Variants in SLC12A2 observed in about 807,000 individuals in gnomAD.
SLC12A2 encodes the protein Na-K-2Cl cotransporter 1.
In SLC12A2, 67 loss-of-function variants were observed where a neutral mutation model predicts 136.3. The ratio of observed to expected loss-of-function variants is 0.49; its 90% CI spans 0.40 to 0.60. SLC12A2 has a LOEUF of 0.60. Among genes scored for constraint, SLC12A2 ranks in the 20% least tolerant of loss-of-function variants. The pLI, the probability that SLC12A2 is intolerant of heterozygous loss-of-function variation, is 0.00. For missense variants in SLC12A2, 1,322 were observed against 1,534.7 expected (o/e 0.86, Z 2.32); for synonymous variants, 619 against 562.9 (o/e 1.10, Z -1.41).
intron 1 of SLC12A2, among the ~76,000 whole-genome samples, chr5:128,111,826 G>GTATA (rs1406402350): frequency 3.4e-5 from 5 of 148,426 alleles, no homozygotes; most frequent in Non-Finnish European, 6.0e-5. Context: ...GTGTGTGTGT[G>GTATA]TATATATATA....
intron 5 of SLC12A2, among the ~76,000 whole-genome samples, chr5:128,132,209 T>G (rs1478456484): frequency 6.6e-6 from 1 of 152,046 alleles, no homozygotes; most frequent in Admixed American, 6.6e-5. Context: ...GAGAATGGAC[T>G]TGAGGAATCA....
rs1469648043 is a variant in SLC12A2 at position 128,090,062 on chromosome 5, A to T, written c.756+5352A>T. ...TTTGCCAGGGGCTTTGCCCTGCTAA[A>T]CCCATGCTACTTGCCATTGAAGTCA... is the stretch of plus-strand genomic sequence containing the variant. On this transcript the variant is annotated intron_variant, in intron 1 of 26. Transcript: ENST00000262461. Among the ~76,000 whole-genome samples, 6 of 152,166 alleles carry T rather than the reference A, an allele frequency of 3.9e-5. No homozygotes were observed. The East Asian group carries it at 7.7e-4, about 20-fold the overall frequency.
At chr5:128,169,266 T>G (rs2126743188) in intron 18 of SLC12A2, 1 of 152,304 alleles carries the variant, frequency 6.6e-6, no homozygotes, top group East Asian at 1.9e-4. Flanking sequence ...AGCTTTAAGA[T>G]TAAAGTTTAA....
intron 15 of SLC12A2, among the ~76,000 whole-genome samples, chr5:128,157,348 C>T (rs1445176084): frequency 3.3e-5 from 5 of 152,148 alleles, no homozygotes; most frequent in African/African-American, 1.2e-4. Flanking sequence ...GCCACTGTCT[C>T]ACATTTGCAA....
At chr5:128,110,070 G>T (rs1337204352) in intron 1 of SLC12A2, 1 of 969,758 alleles carries the variant, frequency 1.0e-6, no homozygotes, top group Non-Finnish European at 1.7e-6. Flanking sequence ...CACCTTAAAA[G>T]ATAACAAAGT....
intron 1 of SLC12A2, chr5:128,109,754 TA>T (rs1761077343): frequency 2.1e-6 from 2 of 933,170 alleles, no homozygotes; most frequent in Admixed American, 1.7e-5. Flanking sequence ...GGTTTTAGAC[TA>T]AAAGGATGGG....
intron 13 of SLC12A2, 64 bp downstream of exon 13, chr5:128,150,162 T>C (rs145201757): frequency 2.1e-5 from 22 of 1,055,212 alleles, no homozygotes; most frequent in East Asian, 9.6e-5. Context: ...AATAAAACTT[T>C]TGCCACATTT....
chr5:128,144,918 TC>T (rs1233362453), intron 10 of SLC12A2, among the ~76,000 whole-genome samples: 2 of 152,166 alleles, frequency 1.3e-5, no homozygotes, highest in Non-Finnish European at 2.9e-5. Flanking sequence ...TAGACTTTTG[TC>T]TTTTTTTCCC....
intron 4 of SLC12A2, among the ~76,000 whole-genome samples, chr5:128,125,733 C>T (rs1761765974): frequency 6.6e-6 from 1 of 151,914 alleles, no homozygotes; most frequent in South Asian, 2.1e-4. Flanking sequence ...TATCCCAAGG[C>T]CATGAAGATA....
rs190418047 is a variant in SLC12A2, at chr5:128,155,177, C to T, written c.2363+2372C>T. On this transcript the variant is annotated intron_variant, in intron 15 of 26. Coordinates refer to ENST00000262461, the MANE Select transcript of SLC12A2 (RefSeq NM_001046.3). ...ATTTATGTCCCAGGCCAGATGAAGCCGGATGTTGAGAAATTTCACCACACT... is the reference window on the plus strand; with the variant it reads ...ATTTATGTCCCAGGCCAGATGAAGCTGGATGTTGAGAAATTTCACCACACT... 1.1e-4 allele frequency among the ~76,000 whole-genome samples: 16 copies of T among 152,116 alleles called. No individual in the cohort carries two copies. In the South Asian group the frequency reaches 2.9e-3, roughly 28 times the overall value.
chr5:128,083,999 G>A lies in SLC12A2; in HGVS notation c.45G>A (p.Leu15=), dbSNP rs1017623893. ...PTAPSSGAPG[L]AGVGETPSAA... ...CGCCCTCCTCCGGCGCCCCGGGACT[G>A]GCCGGGGTCGGGGAGACGCCGTCAG... The change falls in exon 1 of 27, where the codon CTG becomes CTA. Residue 15 remains leucine, a synonymous_variant. Transcript: ENST00000262461. 30 of 1,252,078 alleles carry A rather than the reference G, an allele frequency of 2.4e-5. No homozygotes were observed. The highest frequency in any genetic ancestry group is 3.1e-5 in the South Asian group (1 of 32,256). 77.6% of individuals were successfully genotyped at this position (1,252,078 alleles called of 1,614,324 possible).
chr5:128,104,701 G>A (rs1760871864), intron 1 of SLC12A2, among the ~76,000 whole-genome samples: 1 of 150,874 alleles, frequency 6.6e-6, no homozygotes, highest in Non-Finnish European at 1.5e-5. Flanking sequence ...ATATATAATA[G>A]GTATGCTTTC....
intron 1 of SLC12A2, among the ~76,000 whole-genome samples, chr5:128,098,453 G>C (rs1760621798): frequency 6.6e-6 from 1 of 151,066 alleles, no homozygotes; most frequent in Admixed American, 6.6e-5. Flanking sequence ...TGGGCCACAT[G>C]GAGGAAATTT....
rs776277549 is a variant in SLC12A2 at position 128,114,692 on chromosome 5, T to A, written c.1048+11T>A. ...GATTTGTAAGAGGAGGTAAGTAGAA[T>A]CTTTTTGAATCATCATCATCAGATT... On this transcript the variant is annotated intron_variant, in intron 4 of 26. Coordinates refer to ENST00000262461, the MANE Select transcript of SLC12A2 (RefSeq NM_001046.3). 1 of 1,444,288 alleles carries A rather than the reference T, an allele frequency of 6.9e-7. No homozygotes were observed. 89.5% of individuals were successfully genotyped at this position (1,444,288 alleles called of 1,614,324 possible). A position where few individuals can be genotyped will look rare whatever the true frequency, so the allele number is the denominator to read the frequency against.
intron 10 of SLC12A2, among the ~76,000 whole-genome samples, chr5:128,142,598 A>G (rs1452028163): frequency 4.6e-5 from 7 of 152,122 alleles, no homozygotes; most frequent in African/African-American, 1.7e-4. Context: ...TTTAGAAAGC[A>G]TGGAATCATC....
intron 4 of SLC12A2, among the ~76,000 whole-genome samples, chr5:128,116,390 T>C (rs947723484): frequency 1.1e-3 from 35 of 31,334 alleles, no homozygotes; most frequent in African/African-American, 6.8e-3. Context: ...AGTGTGTATA[T>C]ATAAATATAT....
chr5:128,103,995 G>A (rs1760834450), intron 1 of SLC12A2, among the ~76,000 whole-genome samples: 1 of 152,160 alleles, frequency 6.6e-6, no homozygotes, highest in Admixed American at 6.5e-5. Flanking sequence ...AATTTACTAT[G>A]TGTGGTAACA....
At chr5:128,094,215 T>C (rs1554102201) in intron 1 of SLC12A2, among the ~76,000 whole-genome samples, 1 of 150,848 alleles carries the variant, frequency 6.6e-6, no homozygotes, top group Non-Finnish European at 1.5e-5. Flanking sequence ...ATCACCATTA[T>C]GTCCTTTGCT....
rs1307354344 is a variant in SLC12A2 at position 128,158,088 on chromosome 5, C to T, written c.2399C>T (p.Ser800Leu). Residue 800 changes from serine (S) to leucine (L), a missense_variant, in exon 16 of 27, where the codon TCA becomes TTA. Around this residue, in one of 8 missense-constraint regions of SLC12A2, gnomAD observed 294 missense variants for 436.6 expected, o/e 0.67. Coordinates refer to ENST00000262461, the MANE Select transcript of SLC12A2 (RefSeq NM_001046.3). Reference protein sequence around the residue: ...QCLVMTGAPNSRPALLHLVHD... With the variant: ...QCLVMTGAPNLRPALLHLVHD... ...CTTGTTATGACAGGTGCTCCAAACT[C>T]ACGTCCAGCTTTACTTCATCTTGTT... 1.9e-6 allele frequency: 3 copies of T among 1,613,748 alleles called. No individual in the cohort carries two copies. The highest frequency in any genetic ancestry group is 1.1e-5 in the South Asian group (1 of 91,040).
Sources: allele counts gnomAD v4.1 joint callset (sites outside exome capture counted in the v4.1 genomes callset), GRCh38; gene constraint gnomAD v4.1.1; regional missense constraint gnomAD v4.1.1; transcripts MANE v1.5; gene names NCBI Gene and HGNC (gene_info 2026-07-23, HGNC 2026-07-21).